ADGRL2: variants seen among roughly 807,000 people sequenced by gnomAD.
The protein encoded by ADGRL2 is calcium-independent alpha-latrotoxin receptor 2.
A neutral mutation model predicts 157.4 loss-of-function variants in ADGRL2; 44 were observed. The ratio of observed to expected loss-of-function variants is 0.28; its 90% CI spans 0.22 to 0.36. The LOEUF is 0.36. Among genes scored for constraint, ADGRL2 ranks in the 10% least tolerant of loss-of-function variants. The pLI is 1.00. For synonymous variants in ADGRL2, 585 were observed against 624.7 expected (o/e 0.94, Z 0.95); for missense variants, 1,510 against 1,768.9 (o/e 0.85, Z 2.63).
chr1:81,789,746 A>G (rs1328953839), intron 2 of ADGRL2, among the ~76,000 whole-genome samples: 1 of 152,034 alleles, frequency 6.6e-6, no homozygotes, highest in African/African-American at 2.4e-5. Context: ...GAATGTAAAC[A>G]AAAAGAAACA....
chr1:81,709,551 C>CA (rs5775631), intron 1 of ADGRL2, among the ~76,000 whole-genome samples: 21 of 151,232 alleles, frequency 1.4e-4, no homozygotes, highest in African/African-American at 3.2e-4. Flanking sequence ...AAAAACAAAA[C>CA]AAAAAAAACC....
At chr1:81,964,394 C>T (rs1302071255) in intron 11 of ADGRL2, among the ~76,000 whole-genome samples, 1 of 152,084 alleles carries the variant, frequency 6.6e-6, no homozygotes, top group Non-Finnish European at 1.5e-5. Flanking sequence ...CTGCCGCCCA[C>T]ACAGAGTCTG....
chr1:81,991,388 G>A lies in ADGRL2; in HGVS notation c.*243G>A, dbSNP rs1404956559. 2 of 325,798 alleles carry A rather than the reference G, an allele frequency of 6.1e-6. No homozygotes were observed. The highest frequency in any genetic ancestry group is 8.7e-5 in the Admixed American group (2 of 23,088). The allele number at this position is 325,798 out of a possible 1,614,324, so 20.2% of individuals were successfully genotyped here. On this transcript the variant is annotated 3_prime_UTR_variant, in exon 24 of 24. Coordinates refer to ENST00000686636, the MANE Select transcript of ADGRL2 (RefSeq NM_001366006.2). ...TTACAAAGAAAAGAGATGCCAGCCA[G>A]GTATTTTAAGATTCTGCTGCTGTTT... is the stretch of plus-strand genomic sequence containing the variant.
At chr1:81,432,661 T>C (rs989591175) in intron 1 of ADGRL2, among the ~76,000 whole-genome samples, 2 of 152,190 alleles carry the variant, frequency 1.3e-5, no homozygotes, top group South Asian at 4.1e-4. Flanking sequence ...TTCATCTTCC[T>C]GCCCCCCTCC....
At chr1:81,902,311 G>A (rs1361750739) in intron 2 of ADGRL2, among the ~76,000 whole-genome samples, 2 of 152,160 alleles carry the variant, frequency 1.3e-5, no homozygotes, top group East Asian at 3.9e-4. Flanking sequence ...TAAAGAGGCA[G>A]TTCTGGCCAA....
chr1:81,703,800 C>G (rs1227791201), intron 1 of ADGRL2, among the ~76,000 whole-genome samples: 1 of 152,198 alleles, frequency 6.6e-6, no homozygotes, highest in Non-Finnish European at 1.5e-5. Context: ...GATTACCTAA[C>G]AGTCTCTAAG....
chr1:81,842,018 C>T (rs111793929), intron 2 of ADGRL2, among the ~76,000 whole-genome samples: 7 of 152,010 alleles, frequency 4.6e-5, no homozygotes, highest in Admixed American at 2.0e-4. Context: ...GGAAGATCTG[C>T]GGTGGGGCCC....
At chr1:81,661,844 C>G (rs1418026599) in intron 3 of ADGRL2, among the ~76,000 whole-genome samples, 1 of 152,154 alleles carries the variant, frequency 6.6e-6, no homozygotes, top group Non-Finnish European at 1.5e-5. Flanking sequence ...TTGAAAACAA[C>G]AGGATGGTGC....
At chr1:81,476,380 G>A (rs977387624) in intron 2 of ADGRL2, among the ~76,000 whole-genome samples, 9 of 152,070 alleles carry the variant, frequency 5.9e-5, no homozygotes, top group African/African-American at 2.2e-4. Flanking sequence ...GTGAGGAGTA[G>A]GAAATGTATC....
intron 2 of ADGRL2, among the ~76,000 whole-genome samples, chr1:81,487,834 A>G (rs2078541919): frequency 6.6e-6 from 1 of 152,232 alleles, no homozygotes; most frequent in Non-Finnish European, 1.5e-5. Flanking sequence ...GTACAAATAT[A>G]TACAAGTATG....
chr1:81,760,756 T>G (rs1214496610), intron 1 of ADGRL2, among the ~76,000 whole-genome samples: 1 of 151,628 alleles, frequency 6.6e-6, no homozygotes, highest in Admixed American at 6.6e-5. Context: ...TGAGTTATAA[T>G]ATCAAAATTG....
At chr1:81,524,471 G>A (rs1011847733) in intron 2 of ADGRL2, among the ~76,000 whole-genome samples, 1 of 152,146 alleles carries the variant, frequency 6.6e-6, no homozygotes, top group African/African-American at 2.4e-5. Context: ...ACACATACAT[G>A]TGAAAAACTA....
At chr1:81,882,717 G>T (rs1045419445) in intron 2 of ADGRL2, among the ~76,000 whole-genome samples, 3 of 152,162 alleles carry the variant, frequency 2.0e-5, no homozygotes, top group African/African-American at 7.2e-5. Flanking sequence ...GAATTCAACA[G>T]AATTGGGAAA....
chr1:81,702,819 G>C (rs1465005198), intron 1 of ADGRL2, among the ~76,000 whole-genome samples: 2 of 152,132 alleles, frequency 1.3e-5, no homozygotes, highest in African/African-American at 2.4e-5. Context: ...ATGGGGTTAT[G>C]GTAATATATG....
chr1:81,542,403 CTT>C (rs1557443750), intron 2 of ADGRL2, among the ~76,000 whole-genome samples: 1 of 152,188 alleles, frequency 6.6e-6, no homozygotes, highest in Non-Finnish European at 1.5e-5. Context: ...ACTTTGCCTA[CTT>C]AAATGCCCCC....
intron 1 of ADGRL2, among the ~76,000 whole-genome samples, chr1:81,438,113 A>G (rs1302808747): frequency 6.6e-6 from 1 of 152,062 alleles, no homozygotes; most frequent in Non-Finnish European, 1.5e-5. Context: ...AATGTGTAGA[A>G]AGACATGAGT....
chr1:81,487,108 A>AAAAAAAAT (rs537612028), intron 2 of ADGRL2, among the ~76,000 whole-genome samples: 32 of 135,508 alleles, frequency 2.4e-4, no homozygotes, highest in South Asian at 4.8e-4. Flanking sequence ...AAAAAAAAAA[A>AAAAAAAAT]AGAAAGTAAA....
chr1:81,351,092 A>G (rs1020350478), intron 1 of ADGRL2, among the ~76,000 whole-genome samples: 1 of 152,160 alleles, frequency 6.6e-6, no homozygotes, highest in Non-Finnish European at 1.5e-5. Flanking sequence ...TGTCCCCTTA[A>G]GCCTTTTAAG....
intron 2 of ADGRL2, among the ~76,000 whole-genome samples, chr1:81,849,453 G>A (rs1005477617): frequency 1.3e-5 from 2 of 151,810 alleles, no homozygotes; most frequent in African/African-American, 2.4e-5. Flanking sequence ...CCTAACTTAC[G>A]TGAGTAGATT....
Sources: allele counts gnomAD v4.1 joint callset (sites outside exome capture counted in the v4.1 genomes callset), GRCh38; gene constraint gnomAD v4.1.1; transcripts MANE v1.5; gene names NCBI Gene and HGNC (gene_info 2026-07-23, HGNC 2026-07-21).